Variants in NLRP3 observed in about 807,000 individuals in gnomAD.
NLRP3 encodes NACHT, LRR and PYD domains-containing protein 3.
A neutral mutation model predicts 91.3 loss-of-function variants in NLRP3; 48 were observed. The observed-to-expected ratio is 0.53, with a 90% CI of 0.42 to 0.67. The LOEUF (loss-of-function observed/expected upper bound fraction) is 0.67, where lower values mean the gene tolerates loss of function less well. Among genes scored for constraint, NLRP3 ranks in the 30% least tolerant of loss-of-function variants. The probability of loss-of-function intolerance (pLI) is 0.00; values close to 1 mark genes in which losing one functional copy is unlikely to be tolerated. For synonymous variants in NLRP3, 561 were observed against 507.9 expected (o/e 1.10, Z -1.41); for missense variants, 982 against 1,276.9 (o/e 0.77, Z 3.52).
chr1:247,443,997 G>T lies in NLRP3; in HGVS notation c.2689G>T (p.Val897Phe), dbSNP rs1205496292. ...LGLVNSGLTSVCCSALSSVLS... is the reference protein window; with the variant it reads ...LGLVNSGLTSFCCSALSSVLS... ...GTTGGTGAATTCTGGCCTTACGTCA[G>T]TCTGTTGTTCAGCTTTGTCCTCGGT... Residue 897 changes from valine (V) to phenylalanine (F), a missense_variant, in exon 8 of 10, where the codon GTC becomes TTC. Physicochemically the swap from Val to Phe is conservative, Grantham distance 50. Transcript: ENST00000336119. 2 of 1,614,136 alleles carry T rather than the reference G, an allele frequency of 1.2e-6. No homozygotes were observed. The highest frequency in any genetic ancestry group is 2.2e-5 in the South Asian group (2 of 91,080).
intron 7 of NLRP3, among the ~76,000 whole-genome samples, chr1:247,440,424 G>A (rs1262345442): frequency 6.6e-6 from 1 of 152,104 alleles, no homozygotes; most frequent in Non-Finnish European, 1.5e-5. Context: ...ACACCAGAGG[G>A]AACTTTTTAA....
intron 7 of NLRP3, among the ~76,000 whole-genome samples, chr1:247,436,994 T>C (rs1405965530): frequency 1.3e-5 from 2 of 152,214 alleles, no homozygotes; most frequent in African/African-American, 4.8e-5. Context: ...TCAGGGAGCC[T>C]CATAACTTTG....
Position 247,424,401 on chromosome 1 carries a change from A to G in NLRP3, c.952A>G (p.Thr318Ala), listed in dbSNP as rs1558190827. 2 of 1,614,072 alleles carry G rather than the reference A, an allele frequency of 1.2e-6. No individual in the cohort carries two copies. The highest frequency in any genetic ancestry group is 1.7e-6 in the Non-Finnish European group (2 of 1,180,008). ...TGACGAGCACATAGGACCGCTCTGC[A>G]CTGACTGGCAGAAGGCCGAGCGGGG... ...AFDEHIGPLCTDWQKAERGDI... is the reference protein window; with the variant it reads ...AFDEHIGPLCADWQKAERGDI... Residue 318 changes from threonine (T) to alanine (A), a missense_variant, in exon 4 of 10, where the codon ACT (threonine) becomes GCT (alanine). Around this residue, in one of 5 missense-constraint regions of NLRP3, gnomAD observed 548 missense variants for 713.7 expected, o/e 0.77. Transcript: ENST00000336119. The surrounding 1 kb of genome is among the most constrained non-coding windows in gnomAD (Gnocchi z 8.1).
chr1:247,439,339 T>C (rs1172886459), intron 7 of NLRP3, among the ~76,000 whole-genome samples: 6 of 152,222 alleles, frequency 3.9e-5, no homozygotes, highest in Admixed American at 2.0e-4. Context: ...GAGATTAAGA[T>C]GCTAGCAGGC....
intron 7 of NLRP3, 149 bp downstream of exon 7, chr1:247,436,289 G>T: frequency 1.4e-6 from 1 of 726,808 alleles, no homozygotes; most frequent in South Asian, 1.5e-5. Context: ...AGGACTGGAG[G>T]CATATAATGT....
At chr1:247,416,669 C>T (rs1335998940) in intron 1 of NLRP3, among the ~76,000 whole-genome samples, 1 of 106,596 alleles carries the variant, frequency 9.4e-6, no homozygotes, top group African/African-American at 4.0e-5. Context: ...AGAGCAGTCA[C>T]CTCAGGATGG....
Position 247,448,692 on chromosome 1 carries a change from G to A in NLRP3, c.*188G>A. 1.5e-6 allele frequency: 1 copy of A among 645,420 alleles called. No homozygotes were observed. The allele number at this position is 645,420 out of a possible 1,614,324, so 40.0% of individuals were successfully genotyped here. A position where few individuals can be genotyped will look rare whatever the true frequency, so the allele number is the denominator to read the frequency against. Reference sequence around the variant, plus strand: ...AGCTTGGGCATCTCCTTTACGCCAGGGTGAGGAAGACACCAGGACAATGAC... The same window carrying A: ...AGCTTGGGCATCTCCTTTACGCCAGAGTGAGGAAGACACCAGGACAATGAC... On this transcript the variant is annotated 3_prime_UTR_variant, in exon 10 of 10. Transcript: ENST00000336119.
At position 247,424,337 on chromosome 1, in the gene NLRP3, C is replaced by G. The variant is rs201885551; in HGVS notation, c.888C>G (p.Leu296=). Residue 296 remains leucine, a synonymous_variant, in exon 4 of 10, where the codon CTC becomes CTG. Coordinates refer to ENST00000336119, the MANE Select transcript of NLRP3 (RefSeq NM_001243133.2). The surrounding 1 kb of genome is among the most constrained non-coding windows in gnomAD (Gnocchi z 8.1). ...HKIVRKPSRI[L]FLMDGFDELQ... ...TCGTGAGAAAACCCTCCAGAATCCT[C>G]TTCCTCATGGACGGCTTCGATGAGC... 95 of 1,613,884 alleles carry G rather than the reference C, an allele frequency of 5.9e-5. No individual in the cohort carries two copies. The highest frequency in any genetic ancestry group is 7.5e-5 in the Non-Finnish European group (89 of 1,179,948).
chr1:247,440,625 A>G (rs1013973875), intron 7 of NLRP3, among the ~76,000 whole-genome samples: 1 of 152,076 alleles, frequency 6.6e-6, no homozygotes, highest in Non-Finnish European at 1.5e-5. Context: ...GGGACTTGCT[A>G]TGATGCTCAG....
rs755147649 is a variant in NLRP3, at chr1:247,434,083, C to A, written c.2322-20C>A. The A allele has an allele frequency of 8.2e-6, 10 of 1,217,326 alleles. No homozygotes were observed. In the Admixed American group the frequency reaches 2.7e-4, roughly 33 times the overall value. 75.4% of individuals were successfully genotyped at this position (1,217,326 alleles called of 1,614,324 possible). On this transcript the variant is annotated intron_variant, in intron 5 of 9. Transcript: ENST00000336119. ...GTCAGGTGTGTTCTGATGCTTTCTG[C>A]CTCTGTTCTTGGCATGAAGGTTGGG... is the stretch of plus-strand genomic sequence containing the variant.
rs1662208250 is a variant in NLRP3 at position 247,418,489 on chromosome 1, A to G, written c.-312A>G. On this transcript the variant is annotated 5_prime_UTR_variant, in exon 2 of 10. Coordinates refer to ENST00000336119, the MANE Select transcript of NLRP3 (RefSeq NM_001243133.2). Reference sequence around the variant, plus strand: ...GCTCATTTTTGTACTTTTAGTAGAGACACAGTTTTGCCATGTTGGCCAGGC... The same window carrying G: ...GCTCATTTTTGTACTTTTAGTAGAGGCACAGTTTTGCCATGTTGGCCAGGC... 1 of 377,808 alleles carries G rather than the reference A, an allele frequency of 2.6e-6. No individual in the cohort carries two copies. The highest frequency in any genetic ancestry group is 2.1e-5 in the African/African-American group (1 of 47,880). 23.4% of individuals were successfully genotyped at this position (377,808 alleles called of 1,614,324 possible). A position where few individuals can be genotyped will look rare whatever the true frequency, so the allele number is the denominator to read the frequency against.
intron 4 of NLRP3, among the ~76,000 whole-genome samples, chr1:247,427,076 A>T (rs1662944653): frequency 6.6e-6 from 1 of 152,226 alleles, no homozygotes; most frequent in Admixed American, 6.5e-5. Flanking sequence ...GAGGCTGGGA[A>T]GTCCATGATC....
In NLRP3 at chr1:247,448,664, C is replaced by T. The variant is rs1050379429; in HGVS notation, c.*160C>T. 29 of 684,456 alleles carry T rather than the reference C, an allele frequency of 4.2e-5. No individual in the cohort carries two copies. The highest frequency in any genetic ancestry group is 3.9e-4 in the Admixed American group (19 of 48,698). The allele number at this position is 684,456 out of a possible 1,614,324, so 42.4% of individuals were successfully genotyped here. ...AGCTTGCCGACGATGCCTTCCTGTG[C>T]AGAGCTTGGGCATCTCCTTTACGCC... On this transcript the variant is annotated 3_prime_UTR_variant, in exon 10 of 10. Transcript: ENST00000336119.
rs765925466 is a variant in NLRP3, at chr1:247,444,046, C to T, written c.2738C>T (p.Thr913Met). 67 of 1,614,064 alleles carry T rather than the reference C, an allele frequency of 4.2e-5. No individual in the cohort carries two copies. Among genetic ancestry groups the T allele is most frequent in the Non-Finnish European group, 5.1e-5 (60 of 1,180,046 alleles). ...SSVLSTNQNLTHLYLRGNTLG... is the reference protein window; with the variant it reads ...SSVLSTNQNLMHLYLRGNTLG... ...GTACTCAGCACTAATCAGAATCTCA[C>T]GCACCTTTACCTGCGAGGCAACACT... is the stretch of plus-strand genomic sequence containing the variant. Residue 913 changes from threonine (T) to methionine (M), a missense_variant, in exon 8 of 10, where the codon ACG becomes ATG. Around this residue, in one of 5 missense-constraint regions of NLRP3, gnomAD observed 373 missense variants for 431.5 expected, o/e 0.86. Coordinates refer to ENST00000336119, the MANE Select transcript of NLRP3 (RefSeq NM_001243133.2).
In NLRP3 at chr1:247,425,123, CCTT is replaced by C. The variant is rs2103112144; in HGVS notation, c.1677_1679del (p.Leu560del). Reference sequence around the variant, plus strand: ...AGCTTCCCAGCCGAGACGTGACAGTCCTTCTGGAAAACTATGGCAAATTCGAAA... The same window carrying C: ...AGCTTCCCAGCCGAGACGTGACAGTCCTGGAAAACTATGGCAAATTCGAAA... On this transcript the variant is annotated inframe_deletion, in exon 4 of 10. Coordinates refer to ENST00000336119, the MANE Select transcript of NLRP3 (RefSeq NM_001243133.2). This position sits in a 1 kb window ranked among gnomAD's most constrained non-coding sequence, Gnocchi z 4.1. 1 of 1,614,138 alleles carries C rather than the reference CCTT, an allele frequency of 6.2e-7. No homozygotes were observed. The highest frequency in any genetic ancestry group is 8.5e-7 in the Non-Finnish European group (1 of 1,180,008).
At chr1:247,434,033 G>T in intron 5 of NLRP3, 70 bp from the exon 6 acceptor site, 1 of 1,091,788 alleles carries the variant, frequency 9.2e-7, no homozygotes, top group Non-Finnish European at 1.4e-6. Flanking sequence ...GTGTCCTGAT[G>T]CTTCCTCTGT....
At chr1:247,439,485 G>A (rs1405907976) in intron 7 of NLRP3, among the ~76,000 whole-genome samples, 1 of 152,068 alleles carries the variant, frequency 6.6e-6, no homozygotes, top group Admixed American at 6.6e-5. Flanking sequence ...ATCTCTACGT[G>A]GTGTCTTCCC....
At chr1:247,435,896 G>A in intron 6 of NLRP3, 74 bp from the exon 7 acceptor site, 2 of 1,408,610 alleles carry the variant, frequency 1.4e-6, no homozygotes, top group Non-Finnish European at 1.0e-6. Flanking sequence ...GGCAGTGGCA[G>A]GTACGGGTGC....
chr1:247,437,981 A>G (rs899127245), intron 7 of NLRP3, among the ~76,000 whole-genome samples: 4 of 152,200 alleles, frequency 2.6e-5, no homozygotes, highest in Non-Finnish European at 5.9e-5. Flanking sequence ...CACATGACAA[A>G]CAAGCCAATT....
Sources: allele counts gnomAD v4.1 joint callset (sites outside exome capture counted in the v4.1 genomes callset), GRCh38; gene constraint gnomAD v4.1.1; regional missense constraint gnomAD v4.1.1; non-coding constraint Gnocchi (gnomAD v3.1); transcripts MANE v1.5; gene names NCBI Gene and HGNC (gene_info 2026-07-23, HGNC 2026-07-21).